KCNJ2: variants seen among roughly 807,000 people sequenced by gnomAD.
KCNJ2 encodes potassium inwardly rectifying channel subfamily J member 2.
KCNJ2 carries 12 observed loss-of-function variants against 28.4 expected under a neutral mutation model. That is an observed-to-expected ratio of 0.42 (90% CI 0.27 to 0.68). The LOEUF (loss-of-function observed/expected upper bound fraction) is 0.68. Ranked by LOEUF, KCNJ2 falls within the 30% of genes least tolerant of loss-of-function variation. KCNJ2 has a pLI of 0.23. For missense variants in KCNJ2, 320 were observed against 551.3 expected, an observed-to-expected ratio of 0.58 and a Z score of 4.20; for synonymous variants, 200 against 203.2, an observed-to-expected ratio of 0.98 and a Z score of 0.13.
Position 70,179,602 on chromosome 17 carries a change from C to G in KCNJ2, c.*3279C>G, listed in dbSNP as rs1225620224. 6.0e-6 allele frequency: 1 copy of G among 166,350 alleles called. No individual in the cohort carries two copies. The highest frequency in any genetic ancestry group is 1.5e-5 in the Non-Finnish European group (1 of 68,086). 10.3% of individuals were successfully genotyped at this position (166,350 alleles called of 1,614,324 possible). A position where few individuals can be genotyped will look rare whatever the true frequency, so the allele number is the denominator to read the frequency against. ...CTCTTTACTTCCTTTCTTACCAGTA[C>G]ACTCCTATCTCAACTCTGTTTATTT... On this transcript the variant is annotated 3_prime_UTR_variant, in exon 2 of 2. Coordinates refer to ENST00000243457, the MANE Select transcript of KCNJ2 (RefSeq NM_000891.3).
In KCNJ2 at chr17:70,176,207, A is replaced by G; in HGVS notation, c.1168A>G (p.Ser390Gly). 1 of 1,614,114 alleles carries G rather than the reference A, an allele frequency of 6.2e-7. No homozygotes were observed. The highest frequency in any genetic ancestry group is 8.5e-7 in the Non-Finnish European group (1 of 1,180,020). The part of the protein sequence containing the change: ...VALTSKEEDD[S>G]ENGVPESTST... ...CCTCACAAGCAAAGAGGAAGACGAC[A>G]GTGAAAATGGAGTTCCAGAAAGCAC... Residue 390 changes from serine (S) to glycine (G), a missense_variant, in exon 2 of 2, where the codon AGT (serine) becomes GGT (glycine). Physicochemically the swap from Ser to Gly is moderately conservative, Grantham distance 56. This residue lies in a region of KCNJ2 where 155 missense variants were observed against 231.6 expected (regional missense o/e 0.67). Coordinates refer to ENST00000243457, the MANE Select transcript of KCNJ2 (RefSeq NM_000891.3).
Position 70,169,629 on chromosome 17 carries a change from A to C in KCNJ2, c.-289A>C, listed in dbSNP as rs914781262. On this transcript the variant is annotated 5_prime_UTR_variant, in exon 1 of 2. Transcript: ENST00000243457. ...TGCTTTGGCTCACTCGCTTTTTACA[A>C]ACCACTGGATCTTACATGCCTCTGT... 1 of 152,296 alleles carries C rather than the reference A, an allele frequency of 6.6e-6. No homozygotes were observed. Among genetic ancestry groups the C allele is most frequent in the African/African-American group, 2.4e-5 (1 of 41,406 alleles). 9.4% of individuals were successfully genotyped at this position (152,296 alleles called of 1,614,324 possible). A position where few individuals can be genotyped will look rare whatever the true frequency, so the allele number is the denominator to read the frequency against.
In KCNJ2 at chr17:70,176,696, T is replaced by A. The variant is rs1242468037; in HGVS notation, c.*373T>A. ...GCATAACAAAGGCAAGACTCTGCCT[T>A]AATTTTTGAAAAGCTGCTAACTACA... On this transcript the variant is annotated 3_prime_UTR_variant, in exon 2 of 2. Coordinates refer to ENST00000243457, the MANE Select transcript of KCNJ2 (RefSeq NM_000891.3). 3.5e-6 allele frequency: 1 copy of A among 283,158 alleles called. No homozygotes were observed. Among genetic ancestry groups the A allele is most frequent in the African/African-American group, 2.2e-5 (1 of 45,264 alleles). The allele number at this position is 283,158 out of a possible 1,614,324, so 17.5% of individuals were successfully genotyped here.
chr17:70,173,214 A>C (rs2074374099), intron 1 of KCNJ2, among the ~76,000 whole-genome samples: 1 of 152,222 alleles, frequency 6.6e-6, no homozygotes, highest in East Asian at 1.9e-4. Flanking sequence ...AAGGCAATGC[A>C]CCTTGCCTCT....
In KCNJ2 at chr17:70,178,145, A is replaced by G. The variant is rs2074406597; in HGVS notation, c.*1822A>G. 6.0e-6 allele frequency: 1 copy of G among 165,776 alleles called. No homozygotes were observed. Among genetic ancestry groups the G allele is most frequent in the African/African-American group, 2.4e-5 (1 of 41,014 alleles). 10.3% of individuals were successfully genotyped at this position (165,776 alleles called of 1,614,324 possible). On this transcript the variant is annotated 3_prime_UTR_variant, in exon 2 of 2. Coordinates refer to ENST00000243457, the MANE Select transcript of KCNJ2 (RefSeq NM_000891.3). ...TTATGGTATTATATCTCTGTATGCCATTAAAAAACAGCTTGTTCTAGAATC... is the reference window on the plus strand; with the variant it reads ...TTATGGTATTATATCTCTGTATGCCGTTAAAAAACAGCTTGTTCTAGAATC...
rs147750704 is a variant in KCNJ2, at chr17:70,175,316, G to A, written c.277G>A (p.Val93Ile). 1.1e-4 allele frequency: 183 copies of A among 1,614,192 alleles called. 1 individual carries two copies. The highest frequency in any genetic ancestry group is 3.2e-4 in the South Asian group (29 of 91,082). The change falls in exon 2 of 2, where the codon GTC becomes ATC. Residue 93 changes from valine (V) to isoleucine (I), a missense_variant. This residue lies in a region of KCNJ2 where 111 missense variants were observed against 256.7 expected (regional missense o/e 0.43). Coordinates refer to ENST00000243457, the MANE Select transcript of KCNJ2 (RefSeq NM_000891.3). The surrounding 1 kb of genome is among the most constrained non-coding windows in gnomAD (Gnocchi z 8.3). ...GCTGGTTATCTTCTGCCTGGCTTTC[G>A]TCCTGTCATGGCTGTTTTTTGGCTG... ...WMLVIFCLAF[V>I]LSWLFFGCVF... is the part of the protein sequence containing the mutation.
In KCNJ2 at chr17:70,177,901, C is replaced by T. The variant is rs965656569; in HGVS notation, c.*1578C>T. ...ACTGAATGTGAGCTAAGCATTTTCTCCTGTGGAGCCCTAGAGCAGGTTACT... is the reference window on the plus strand; with the variant it reads ...ACTGAATGTGAGCTAAGCATTTTCTTCTGTGGAGCCCTAGAGCAGGTTACT... On this transcript the variant is annotated 3_prime_UTR_variant, in exon 2 of 2. Coordinates refer to ENST00000243457, the MANE Select transcript of KCNJ2 (RefSeq NM_000891.3). The T allele has an allele frequency of 3.0e-5, 5 of 166,948 alleles. No homozygotes were observed. The highest frequency in any genetic ancestry group is 1.2e-4 in the African/African-American group (5 of 41,428). 10.3% of individuals were successfully genotyped at this position (166,948 alleles called of 1,614,324 possible).
Position 70,174,810 on chromosome 17 carries a change from C to G in KCNJ2, c.-216-14C>G. ...TGGCTTATTTTGTAATGCACAGTCT[C>G]TCTTTTCTTGCAGGACATGTTCTCT... is the stretch of plus-strand genomic sequence containing the variant. On this transcript the variant is annotated splice_polypyrimidine_tract_variant and intron_variant, in intron 1 of 1. Coordinates refer to ENST00000243457, the MANE Select transcript of KCNJ2 (RefSeq NM_000891.3). 1.7e-6 allele frequency: 1 copy of G among 595,414 alleles called. No individual in the cohort carries two copies. Among genetic ancestry groups the G allele is most frequent in the South Asian group, 1.9e-5 (1 of 51,636 alleles). 36.9% of individuals were successfully genotyped at this position (595,414 alleles called of 1,614,324 possible).
Position 70,176,003 on chromosome 17 carries a change from T to C in KCNJ2, c.964T>C (p.Trp322Arg). 1.2e-6 allele frequency: 2 copies of C among 1,614,116 alleles called. No individual in the cohort carries two copies. Among genetic ancestry groups the C allele is most frequent in the African/African-American group, 1.3e-5 (1 of 75,014 alleles). The change falls in exon 2 of 2, where the codon TGG becomes CGG. Residue 322 changes from tryptophan (W) to arginine (R), a missense_variant. Around this residue, in one of 3 missense-constraint regions of KCNJ2, gnomAD observed 155 missense variants for 231.6 expected, o/e 0.67. Coordinates refer to ENST00000243457, the MANE Select transcript of KCNJ2 (RefSeq NM_000891.3). The stretch of plus-strand genomic sequence containing the variant: ...CTCTTATCTAGCAAATGAAATCCTG[T>C]GGGGCCACCGCTATGAGCCTGTGCT... Reference protein sequence around the residue: ...RSSYLANEILWGHRYEPVLFE... With the variant: ...RSSYLANEILRGHRYEPVLFE...
intron 1 of KCNJ2, among the ~76,000 whole-genome samples, chr17:70,170,616 A>C (rs80200164): frequency 0.01 from 1,542 of 152,368 alleles, 8 homozygotes; most frequent in Middle Eastern, 0.02. Context: ...TCGGATATGC[A>C]AAGAAACCAT....
At chr17:70,171,581 C>G (rs1481052673) in intron 1 of KCNJ2, among the ~76,000 whole-genome samples, 1 of 151,930 alleles carries the variant, frequency 6.6e-6, no homozygotes, top group South Asian at 2.1e-4. Flanking sequence ...CCTATATAGT[C>G]AAAGCAATTT....
intron 1 of KCNJ2, among the ~76,000 whole-genome samples, chr17:70,170,478 G>A (rs2074359591): frequency 6.6e-6 from 1 of 152,096 alleles, no homozygotes; most frequent in African/African-American, 2.4e-5. Context: ...ATAGGGAATG[G>A]GCAGTTTAAT....
rs982950664 is a variant in KCNJ2, at chr17:70,174,924, C to T, written c.-116C>T. ...AGGCTCCCAGAGACACCCATCTCTC[C>T]TCATTTTTTTGGTGTGTGTGTCTTC... On this transcript the variant is annotated 5_prime_UTR_variant, in exon 2 of 2. Transcript: ENST00000243457. The T allele has an allele frequency of 3.0e-6, 3 of 1,003,274 alleles. No homozygotes were observed. In the African/African-American group the frequency reaches 4.8e-5, roughly 16 times the overall value. 62.1% of individuals were successfully genotyped at this position (1,003,274 alleles called of 1,614,324 possible).
Position 70,178,250 on chromosome 17 carries a change from G to C in KCNJ2, c.*1927G>C, listed in dbSNP as rs956748657. 1 of 166,896 alleles carries C rather than the reference G, an allele frequency of 6.0e-6. No individual in the cohort carries two copies. The highest frequency in any genetic ancestry group is 2.1e-4 in the South Asian group (1 of 4,814). 10.3% of individuals were successfully genotyped at this position (166,896 alleles called of 1,614,324 possible). ...CTGAATGCCGTGCCTGCAAAACTATGACAATTTTTGCTGTTTTCAGCCTTC... is the reference window on the plus strand; with the variant it reads ...CTGAATGCCGTGCCTGCAAAACTATCACAATTTTTGCTGTTTTCAGCCTTC... On this transcript the variant is annotated 3_prime_UTR_variant, in exon 2 of 2. Transcript: ENST00000243457.
At chr17:70,173,825 C>G (rs1414328370) in intron 1 of KCNJ2, among the ~76,000 whole-genome samples, 3 of 152,176 alleles carry the variant, frequency 2.0e-5, no homozygotes, top group Admixed American at 1.3e-4. Context: ...TTATCTCAAT[C>G]CGCTAAAGAC....
At chr17:70,172,802 T>C (rs2074372166) in intron 1 of KCNJ2, among the ~76,000 whole-genome samples, 1 of 152,228 alleles carries the variant, frequency 6.6e-6, no homozygotes, top group Non-Finnish European at 1.5e-5. Context: ...TTCTCCTTTT[T>C]TTGAAACGTA....
rs769513425 is a variant in KCNJ2 at position 70,175,138 on chromosome 17, G to A, written c.99G>A (p.Gly33=). 6 of 1,614,066 alleles carry A rather than the reference G, an allele frequency of 3.7e-6. No homozygotes were observed. The Admixed American group carries it at 5.0e-5, about 13-fold the overall frequency. The change falls in exon 2 of 2, where the codon GGG becomes GGA. Residue 33 remains glycine (G), a synonymous_variant. Transcript: ENST00000243457. This position sits in a 1 kb window ranked among gnomAD's most constrained non-coding sequence, Gnocchi z 8.3. ...TMAVANGFGN[G]KSKVHTRQQC... is the part of the protein sequence containing the mutation. ...CAGTTGCAAATGGCTTTGGGAACGG[G>A]AAGAGTAAAGTCCACACCCGACAAC... is the stretch of plus-strand genomic sequence containing the variant.
rs1485480823 is a variant in KCNJ2 at position 70,179,484 on chromosome 17, T to C, written c.*3161T>C. ...TCTAAGAGTATACTTGAATCAGACA[T>C]TTTAAGGATGTCACTATGGCACTGT... On this transcript the variant is annotated 3_prime_UTR_variant, in exon 2 of 2. Coordinates refer to ENST00000243457, the MANE Select transcript of KCNJ2 (RefSeq NM_000891.3). The C allele has an allele frequency of 6.0e-6, 1 of 166,738 alleles. No homozygotes were observed. The highest frequency in any genetic ancestry group is 2.4e-5 in the African/African-American group (1 of 41,440). 10.3% of individuals were successfully genotyped at this position (166,738 alleles called of 1,614,324 possible). A position where few individuals can be genotyped will look rare whatever the true frequency, so the allele number is the denominator to read the frequency against.
In KCNJ2 at chr17:70,175,306, C is replaced by T. The variant is rs2074386028; in HGVS notation, c.267C>T (p.Cys89=). ...IRWRWMLVIF[C]LAFVLSWLFF... ...GGCGGTGGATGCTGGTTATCTTCTG[C>T]CTGGCTTTCGTCCTGTCATGGCTGT... Residue 89 remains cysteine (C), a synonymous_variant, in exon 2 of 2, where the codon TGC becomes TGT. Coordinates refer to ENST00000243457, the MANE Select transcript of KCNJ2 (RefSeq NM_000891.3). The surrounding 1 kb of genome is among the most constrained non-coding windows in gnomAD (Gnocchi z 8.3). 6.2e-7 allele frequency: 1 copy of T among 1,614,166 alleles called. No individual in the cohort carries two copies. The highest frequency in any genetic ancestry group is 8.5e-7 in the Non-Finnish European group (1 of 1,180,028).
Sources: allele counts gnomAD v4.1 joint callset (sites outside exome capture counted in the v4.1 genomes callset), GRCh38; gene constraint gnomAD v4.1.1; regional missense constraint gnomAD v4.1.1; non-coding constraint Gnocchi (gnomAD v3.1); transcripts MANE v1.5; gene names NCBI Gene and HGNC (gene_info 2026-07-23, HGNC 2026-07-21).